The following FKBP7 variants were observed in gnomAD, a reference collection of about 807,000 sequenced individuals.
The protein encoded by FKBP7 is peptidyl-prolyl cis-trans isomerase FKBP7.
FKBP7 carries 24 observed loss-of-function variants against 24.3 expected under a neutral mutation model. The ratio of observed to expected loss-of-function variants is 0.99; its 90% CI spans 0.72 to 1.39. FKBP7 has a LOEUF of 1.39. Ranked by LOEUF, FKBP7 falls within the 40% of genes most tolerant of loss-of-function variation. The pLI is 0.00. For synonymous variants in FKBP7, 98 were observed against 92.8 expected, an observed-to-expected ratio of 1.06 and a Z score of -0.32; for missense variants, 257 against 269.5, an observed-to-expected ratio of 0.95 and a Z score of 0.33.
In FKBP7 at chr2:178,464,934, A is replaced by C. The variant is rs1684612339; in HGVS notation, c.*836T>G. On this transcript the variant is annotated 3_prime_UTR_variant, in exon 4 of 4. Coordinates refer to ENST00000424785, the MANE Select transcript of FKBP7 (RefSeq NM_181342.3). ...GGGAAATGAGGTGACATAAGGAAAG[A>C]GATAACTAGAGAAAGGGAACGAAAA... The C allele has an allele frequency of 6.6e-6, 1 of 152,232 alleles. No homozygotes were observed. 9.4% of individuals were successfully genotyped at this position (152,232 alleles called of 1,614,324 possible).
chr2:178,465,791 T>A lies in FKBP7; in HGVS notation c.648A>T (p.Val216=), dbSNP rs561585799. ...DGFISPKEYN[V]YQHDEL Reference sequence around the variant, plus strand: ...TATGCTATAGTTCATCGTGTTGGTATACATTGTATTCCTTGGGAGAAATGA... The same window carrying A: ...TATGCTATAGTTCATCGTGTTGGTAAACATTGTATTCCTTGGGAGAAATGA... Residue 216 remains valine (V), a synonymous_variant, in exon 4 of 4, where the codon GTA becomes GTT. Coordinates refer to ENST00000424785, the MANE Select transcript of FKBP7 (RefSeq NM_181342.3). The A allele has an allele frequency of 6.2e-7, 1 of 1,601,652 alleles. No homozygotes were observed. Among genetic ancestry groups the A allele is most frequent in the Admixed American group, 1.7e-5 (1 of 57,690 alleles).
chr2:178,463,748 ATC>A lies in FKBP7; in HGVS notation c.*2020_*2021del, dbSNP rs1170653006. 1 of 152,212 alleles carries A rather than the reference ATC, an allele frequency of 6.6e-6. No individual in the cohort carries two copies. Among genetic ancestry groups the A allele is most frequent in the African/African-American group, 2.4e-5 (1 of 41,448 alleles). The allele number at this position is 152,212 out of a possible 1,614,324, so 9.4% of individuals were successfully genotyped here. A position where few individuals can be genotyped will look rare whatever the true frequency, so the allele number is the denominator to read the frequency against. On this transcript the variant is annotated 3_prime_UTR_variant, in exon 4 of 4. Transcript: ENST00000424785. ...ATCATCTTCCTATTCATGTGGCATT[ATC>A]TGTCATTTTTTAAAAACAAGTTTAA...
intron 2 of FKBP7, among the ~76,000 whole-genome samples, chr2:178,471,307 T>G (rs1684842536): frequency 6.6e-6 from 1 of 151,880 alleles, no homozygotes. Context: ...CCTCCCAGGT[T>G]CAAGCAATTC....
chr2:178,471,124 C>G (rs1482307108), intron 2 of FKBP7, among the ~76,000 whole-genome samples: 1 of 152,008 alleles, frequency 6.6e-6, no homozygotes, highest in Admixed American at 6.6e-5. Context: ...CTTGGCCTCC[C>G]TAAGTGCTAG....
At chr2:178,473,101 G>A in intron 2 of FKBP7, 1 of 1,305,090 alleles carries the variant, frequency 7.7e-7, no homozygotes, top group Non-Finnish European at 1.0e-6. Flanking sequence ...TGTGACATGA[G>A]ACAAGGATAT....
At chr2:178,466,788 T>G (rs1314513753) in intron 3 of FKBP7, among the ~76,000 whole-genome samples, 1 of 152,204 alleles carries the variant, frequency 6.6e-6, no homozygotes, top group East Asian at 1.9e-4. Context: ...ACAATTGTAT[T>G]TCCTTTGGAA....
chr2:178,465,146 A>C lies in FKBP7; in HGVS notation c.*624T>G, dbSNP rs1020526486. 4 of 152,194 alleles carry C rather than the reference A, an allele frequency of 2.6e-5. No individual in the cohort carries two copies. Among genetic ancestry groups the C allele is most frequent in the African/African-American group, 9.6e-5 (4 of 41,456 alleles). 9.4% of individuals were successfully genotyped at this position (152,194 alleles called of 1,614,324 possible). A position where few individuals can be genotyped will look rare whatever the true frequency, so the allele number is the denominator to read the frequency against. Reference sequence around the variant, plus strand: ...GGCAAAAAGTCTTTGGTTTGGTCAAATATTTTTAAACATTCCCCACTGGAA... The same window carrying C: ...GGCAAAAAGTCTTTGGTTTGGTCAACTATTTTTAAACATTCCCCACTGGAA... On this transcript the variant is annotated 3_prime_UTR_variant, in exon 4 of 4. Transcript: ENST00000424785.
In FKBP7 at chr2:178,463,823, T is replaced by C. The variant is rs1291508077; in HGVS notation, c.*1947A>G. 1.3e-5 allele frequency: 2 copies of C among 152,218 alleles called. No individual in the cohort carries two copies. Among genetic ancestry groups the C allele is most frequent in the East Asian group, 1.9e-4 (1 of 5,206 alleles). 9.4% of individuals were successfully genotyped at this position (152,218 alleles called of 1,614,324 possible). On this transcript the variant is annotated 3_prime_UTR_variant, in exon 4 of 4. Coordinates refer to ENST00000424785, the MANE Select transcript of FKBP7 (RefSeq NM_181342.3). ...ACAAAAAAATTAGAATTACAAAGTT[T>C]AGATTATAGGGTGACTTCTTAATAT...
At chr2:178,467,080 G>A (rs930992244) in intron 3 of FKBP7, among the ~76,000 whole-genome samples, 1 of 152,150 alleles carries the variant, frequency 6.6e-6, no homozygotes, top group African/African-American at 2.4e-5. Context: ...ATCCTATGTA[G>A]GGGTAAACAA....
chr2:178,471,355 G>A (rs1417402334), intron 2 of FKBP7, among the ~76,000 whole-genome samples: 1 of 151,752 alleles, frequency 6.6e-6, no homozygotes, highest in African/African-American at 2.4e-5. Flanking sequence ...GATTACAGGT[G>A]CCTGCCACCA....
At chr2:178,469,840 TA>T in intron 2 of FKBP7, 55 bp from the exon 3 acceptor site, 2 of 1,466,842 alleles carry the variant, frequency 1.4e-6, no homozygotes, top group Non-Finnish European at 1.9e-6. Flanking sequence ...TTCAAATATC[TA>T]TTCATGAACT....
chr2:178,473,083 G>T (rs1684898976), intron 2 of FKBP7: 1 of 1,305,112 alleles, frequency 7.7e-7, no homozygotes, highest in Non-Finnish European at 1.0e-6. Context: ...AGACATGCAG[G>T]GTTGTTCTGT....
intron 3 of FKBP7, among the ~76,000 whole-genome samples, chr2:178,467,153 T>A (rs3731756): frequency 0.021 from 3,127 of 152,302 alleles, 73 homozygotes; most frequent in East Asian, 0.13. Flanking sequence ...ACATAACCAA[T>A]ATTGCTGATG....
chr2:178,465,794 A>G lies in FKBP7; in HGVS notation c.645T>C (p.Asn215=), dbSNP rs1684637475. 2.5e-6 allele frequency: 4 copies of G among 1,606,366 alleles called. No homozygotes were observed. The highest frequency in any genetic ancestry group is 3.4e-6 in the Non-Finnish European group (4 of 1,177,232). Residue 215 remains asparagine, a synonymous_variant, in exon 4 of 4, where the codon AAT becomes AAC. Coordinates refer to ENST00000424785, the MANE Select transcript of FKBP7 (RefSeq NM_181342.3). ...GCTATAGTTCATCGTGTTGGTATAC[A>G]TTGTATTCCTTGGGAGAAATGAAGC... ...GDGFISPKEY[N]VYQHDEL
intron 3 of FKBP7, among the ~76,000 whole-genome samples, chr2:178,468,488 TAA>T (rs748822390): frequency 7.2e-5 from 10 of 139,772 alleles, no homozygotes; most frequent in Admixed American, 7.2e-5. Flanking sequence ...CTCCATCTCT[TAA>T]AAAAAAAAAA....
intron 2 of FKBP7, among the ~76,000 whole-genome samples, chr2:178,472,305 C>T (rs1167820423): frequency 6.6e-6 from 1 of 151,916 alleles, no homozygotes; most frequent in African/African-American, 2.4e-5. Flanking sequence ...GAACTCCTAG[C>T]CTCAGGTGAG....
intron 2 of FKBP7, among the ~76,000 whole-genome samples, chr2:178,475,245 T>G (rs1175796442): frequency 6.6e-6 from 1 of 151,986 alleles, no homozygotes; most frequent in East Asian, 1.9e-4. Context: ...CACTTTTTTT[T>G]TTGAGATGGA....
At chr2:178,473,707 G>A (rs1463665885) in intron 2 of FKBP7, among the ~76,000 whole-genome samples, 1 of 152,182 alleles carries the variant, frequency 6.6e-6, no homozygotes, top group Non-Finnish European at 1.5e-5. Context: ...AAGACAGAAA[G>A]GAAAACTTTG....
chr2:178,476,654 ACATGTTGGTG>A (rs139703987), intron 2 of FKBP7, among the ~76,000 whole-genome samples: 1,830 of 151,668 alleles, frequency 0.012, 39 homozygotes, highest in African/African-American at 0.042. Context: ...CAAGGCTGAT[ACATGTTGGTG>A]CATGTCTCAG....
Sources: allele counts gnomAD v4.1 joint callset (sites outside exome capture counted in the v4.1 genomes callset), GRCh38; gene constraint gnomAD v4.1.1; transcripts MANE v1.5; gene names NCBI Gene and HGNC (gene_info 2026-07-23, HGNC 2026-07-21).